Variants in CSMD1 observed in about 807,000 individuals in gnomAD.
CSMD1 encodes the protein CUB and sushi domain-containing protein 1.
In CSMD1, 213 loss-of-function variants were observed where a neutral mutation model predicts 417.5. The ratio of observed to expected loss-of-function variants is 0.51; its 90% CI spans 0.46 to 0.57. CSMD1 has a LOEUF of 0.57. Among genes scored for constraint, CSMD1 ranks in the 20% least tolerant of loss-of-function variants. CSMD1 has a pLI of 0.00. For missense variants in CSMD1, 6,923 were observed against 4,529.7 expected, an observed-to-expected ratio of 1.53 and a Z score of -15.17; for synonymous variants, 2,862 against 1,736.8, an observed-to-expected ratio of 1.65 and a Z score of -16.11.
At chr8:3,899,271 C>G (rs759713490) in intron 5 of CSMD1, among the ~76,000 whole-genome samples, 11 of 152,126 alleles carry the variant, frequency 7.2e-5, no homozygotes, top group Non-Finnish European at 1.5e-4. Context: ...AAGGAGCTCC[C>G]CGCCCTGCTA....
At chr8:4,242,349 C>G (rs962476460) in intron 3 of CSMD1, among the ~76,000 whole-genome samples, 1 of 152,044 alleles carries the variant, frequency 6.6e-6, no homozygotes, top group Non-Finnish European at 1.5e-5. Flanking sequence ...TTTGCAACCT[C>G]CCTAAGTAAT....
chr8:3,917,452 C>G (rs1477488678), intron 5 of CSMD1, among the ~76,000 whole-genome samples: 5 of 151,924 alleles, frequency 3.3e-5, no homozygotes, highest in African/African-American at 9.7e-5. Context: ...CTCATGCGCG[C>G]ACAAATATGT....
intron 7 of CSMD1, among the ~76,000 whole-genome samples, chr8:3,646,850 C>T (rs1475010587): frequency 6.6e-6 from 1 of 152,084 alleles, no homozygotes; most frequent in East Asian, 1.9e-4. Context: ...CTGCTTGCCT[C>T]TCTGGCTGAA....
In CSMD1 at chr8:4,898,118, A is replaced by C. The variant is rs114056156; in HGVS notation, c.85+96214T>G. 2.5e-3 allele frequency among the ~76,000 whole-genome samples: 379 copies of C among 152,256 alleles called. 6 individuals carry two copies. The highest frequency in any genetic ancestry group is 8.7e-3 in the African/African-American group (360 of 41,510). On this transcript the variant is annotated intron_variant, in intron 1 of 69. Transcript: ENST00000635120. ...AAATGAAGCAAACGAATAAGTAAAT[A>C]AATATTGCCCATATATATGTGTATA...
intron 3 of CSMD1, among the ~76,000 whole-genome samples, chr8:4,335,875 A>G (rs372120214): frequency 1.8e-4 from 27 of 152,092 alleles, no homozygotes; most frequent in East Asian, 1.7e-3. Flanking sequence ...GGGGACGAGA[A>G]AGTGGAGAAC....
At chr8:3,707,338 C>T (rs1477019704) in intron 7 of CSMD1, among the ~76,000 whole-genome samples, 1 of 152,126 alleles carries the variant, frequency 6.6e-6, no homozygotes, top group Non-Finnish European at 1.5e-5. Flanking sequence ...GATGTCCATC[C>T]CAGCCCTTCC....
chr8:3,962,515 T>G (rs1812398759), intron 5 of CSMD1, among the ~76,000 whole-genome samples: 2 of 152,088 alleles, frequency 1.3e-5, no homozygotes, highest in South Asian at 2.1e-4. Context: ...ACCCCTATAT[T>G]AACGTAATAG....
At chr8:4,538,323 T>A (rs1369287225) in intron 2 of CSMD1, among the ~76,000 whole-genome samples, 1 of 152,080 alleles carries the variant, frequency 6.6e-6, no homozygotes, top group South Asian at 2.1e-4. Flanking sequence ...TCTCCAGAGT[T>A]CATATTTTCT....
intron 1 of CSMD1, among the ~76,000 whole-genome samples, chr8:4,910,099 T>C (rs1805564478): frequency 6.6e-6 from 1 of 152,242 alleles, no homozygotes; most frequent in Non-Finnish European, 1.5e-5. Flanking sequence ...TAGGACTGAA[T>C]CTTAATTATT....
chr8:4,155,084 C>G (rs559810093), intron 3 of CSMD1, among the ~76,000 whole-genome samples: 9 of 152,200 alleles, frequency 5.9e-5, no homozygotes, highest in Non-Finnish European at 1.3e-4. Flanking sequence ...GTGCTTTGAA[C>G]TCATGCAATG....
At chr8:4,373,113 C>G (rs1285084380) in intron 3 of CSMD1, among the ~76,000 whole-genome samples, 2 of 152,158 alleles carry the variant, frequency 1.3e-5, no homozygotes, top group Non-Finnish European at 2.9e-5. Flanking sequence ...AAACTCCAGT[C>G]TCATCATGAG....
At position 2,963,280 on chromosome 8, in the gene CSMD1, G is replaced by A. The variant is rs563896024; in HGVS notation, c.9396C>T (p.Ser3132=). The change falls in exon 60 of 70, where the codon TCC becomes TCT. Residue 3132 remains serine, a synonymous_variant. Coordinates refer to ENST00000635120, the MANE Select transcript of CSMD1 (RefSeq NM_033225.6). ...CGCGACCTTCACAGGAGAGGATGGC[G>A]GAGTGAGAGAGCTGGTAACCGTCCA... is the stretch of plus-strand genomic sequence containing the variant. ...SCMDGYQLSH[S]AILSCEGRGV... The A allele has an allele frequency of 2.1e-5, 34 of 1,613,964 alleles. No homozygotes were observed. The East Asian group carries it at 4.2e-4, about 20-fold the overall frequency.
intron 15 of CSMD1, among the ~76,000 whole-genome samples, chr8:3,405,593 G>C (rs1156432604): frequency 8.1e-6 from 1 of 124,024 alleles, no homozygotes; most frequent in African/African-American, 3.1e-5. Flanking sequence ...AATTTAGTTA[G>C]GATAAGGTGT....
intron 3 of CSMD1, among the ~76,000 whole-genome samples, chr8:4,332,556 C>G (rs12677149): frequency 1.5e-4 from 3 of 20,490 alleles, no homozygotes; most frequent in African/African-American, 7.0e-4. Context: ...ATCACATACA[C>G]ACACACACAC....
At chr8:3,551,799 G>C (rs922402158) in intron 10 of CSMD1, among the ~76,000 whole-genome samples, 1 of 152,076 alleles carries the variant, frequency 6.6e-6, no homozygotes, top group Non-Finnish European at 1.5e-5. Flanking sequence ...TGATCATGCT[G>C]AGTGTGACAT....
Position 3,657,193 on chromosome 8 carries a change from T to C in CSMD1, c.1010-40396A>G, listed in dbSNP as rs562949193. Among the ~76,000 whole-genome samples the C allele has an allele frequency of 3.3e-5, 5 of 152,288 alleles. No individual in the cohort carries two copies. The South Asian group carries it at 8.3e-4, about 25-fold the overall frequency. ...CATCCTACAGGAAGATGCTGCAGGA[T>C]CTATGTTTACATCATTTCATTATGC... is the stretch of plus-strand genomic sequence containing the variant. On this transcript the variant is annotated intron_variant, in intron 7 of 69. Coordinates refer to ENST00000635120, the MANE Select transcript of CSMD1 (RefSeq NM_033225.6).
intron 5 of CSMD1, among the ~76,000 whole-genome samples, chr8:3,942,176 G>A (rs1810927886): frequency 6.6e-6 from 1 of 151,948 alleles, no homozygotes; most frequent in South Asian, 2.1e-4. Flanking sequence ...AAAACAAGGT[G>A]TGGGCTCCCA....
intron 42 of CSMD1, among the ~76,000 whole-genome samples, chr8:3,115,253 G>C (rs758231810): frequency 7.2e-6 from 1 of 139,230 alleles, no homozygotes; most frequent in Non-Finnish European, 1.5e-5. Context: ...CCAGGCTGGA[G>C]TGCAATGGCG....
intron 5 of CSMD1, among the ~76,000 whole-genome samples, chr8:3,936,685 C>G (rs983772637): frequency 4.6e-5 from 7 of 152,164 alleles, no homozygotes; most frequent in Non-Finnish European, 8.8e-5. Flanking sequence ...CCTGGTCACA[C>G]AAGAGCTCTG....
Sources: allele counts gnomAD v4.1 joint callset (sites outside exome capture counted in the v4.1 genomes callset), GRCh38; gene constraint gnomAD v4.1.1; transcripts MANE v1.5; gene names NCBI Gene and HGNC (gene_info 2026-07-23, HGNC 2026-07-21).